Variants in CHSY3 observed in about 807,000 individuals in gnomAD.
CHSY3 encodes the protein N-acetylgalactosaminyl-proteoglycan 3-beta-glucuronosyltransferase 3.
CHSY3 carries 35 observed loss-of-function variants against 67.2 expected under a neutral mutation model. The observed-to-expected ratio is 0.52, with a 90% CI of 0.40 to 0.69. CHSY3 has a LOEUF of 0.69. Ranked by LOEUF, CHSY3 falls within the 30% of genes least tolerant of loss-of-function variation. CHSY3 has a pLI of 0.00. For missense variants in CHSY3, 1,069 were observed against 1,138.5 expected, an observed-to-expected ratio of 0.94 and a Z score of 0.88; for synonymous variants, 474 against 434.7, an observed-to-expected ratio of 1.09 and a Z score of -1.12.
chr5:130,150,135 T>C (rs769222373), intron 2 of CHSY3, among the ~76,000 whole-genome samples: 8 of 152,136 alleles, frequency 5.3e-5, no homozygotes, highest in Non-Finnish European at 7.4e-5. Flanking sequence ...AATGAAAAAT[T>C]ATTAGAAAGT....
intron 2 of CHSY3, among the ~76,000 whole-genome samples, chr5:130,081,149 T>C (rs920634531): frequency 1.3e-5 from 2 of 152,154 alleles, no homozygotes; most frequent in Non-Finnish European, 2.9e-5. Context: ...ATTTCGGTCT[T>C]TCTTCCTGTG....
At chr5:130,059,933 T>A (rs1458842690) in intron 2 of CHSY3, among the ~76,000 whole-genome samples, 2 of 152,092 alleles carry the variant, frequency 1.3e-5, no homozygotes, top group Admixed American at 6.5e-5. Flanking sequence ...AAAGCTATAT[T>A]TATTAATAAC....
intron 2 of CHSY3, among the ~76,000 whole-genome samples, chr5:129,981,235 G>A (rs555520876): frequency 6.9e-6 from 1 of 144,746 alleles, no homozygotes; most frequent in African/African-American, 2.5e-5. Context: ...AAAAAAAAAA[G>A]ATCAATCGAC....
chr5:130,080,561 G>A (rs1766414163), intron 2 of CHSY3, among the ~76,000 whole-genome samples: 1 of 152,084 alleles, frequency 6.6e-6, no homozygotes, highest in African/African-American at 2.4e-5. Context: ...ATTGTTTAAT[G>A]TAACTCTTGG....
intron 2 of CHSY3, among the ~76,000 whole-genome samples, chr5:129,931,141 T>C (rs943129647): frequency 2.0e-5 from 3 of 152,172 alleles, no homozygotes; most frequent in Admixed American, 6.5e-5. Context: ...TTAAAACATG[T>C]ATATTTGTGA....
At chr5:130,156,294 G>A (rs1769373754) in intron 2 of CHSY3, among the ~76,000 whole-genome samples, 1 of 152,134 alleles carries the variant, frequency 6.6e-6, no homozygotes, top group African/African-American at 2.4e-5. Flanking sequence ...GCAGGTGTCA[G>A]GCTGTTTATT....
chr5:130,120,587 T>A (rs1561545659), intron 2 of CHSY3, among the ~76,000 whole-genome samples: 3 of 149,484 alleles, frequency 2.0e-5, no homozygotes, highest in Admixed American at 6.7e-5. Flanking sequence ...TGTGACTGCA[T>A]CCCCCAACTA....
chr5:129,960,240 A>T (rs376251116), intron 2 of CHSY3, among the ~76,000 whole-genome samples: 1 of 152,076 alleles, frequency 6.6e-6, no homozygotes. Flanking sequence ...TGAAGCAGAC[A>T]TTCACTTAAT....
intron 2 of CHSY3, among the ~76,000 whole-genome samples, chr5:130,161,250 A>G (rs1399646540): frequency 6.6e-6 from 1 of 152,116 alleles, no homozygotes; most frequent in Admixed American, 6.6e-5. Context: ...TAATCCTTTG[A>G]CCACTTATTA....
At chr5:129,924,365 C>T (rs955116291) in intron 2 of CHSY3, among the ~76,000 whole-genome samples, 2 of 151,996 alleles carry the variant, frequency 1.3e-5, no homozygotes, top group Admixed American at 6.6e-5. Context: ...TTAGAATTAA[C>T]GGCCGAGCGC....
intron 2 of CHSY3, among the ~76,000 whole-genome samples, chr5:129,992,806 G>C (rs1763407376): frequency 6.6e-6 from 1 of 152,164 alleles, no homozygotes; most frequent in Non-Finnish European, 1.5e-5. Flanking sequence ...ATAGTAACAT[G>C]CTGGTCTGTT....
At chr5:130,159,087 A>G (rs1345187990) in intron 2 of CHSY3, among the ~76,000 whole-genome samples, 1 of 151,736 alleles carries the variant, frequency 6.6e-6, no homozygotes, top group African/African-American at 2.4e-5. Context: ...GGCGTGAACC[A>G]TGGCACCAAG....
chr5:130,084,876 A>G (rs928422374), intron 2 of CHSY3, among the ~76,000 whole-genome samples: 1 of 151,994 alleles, frequency 6.6e-6, no homozygotes, highest in Non-Finnish European at 1.5e-5. Flanking sequence ...AAGAAATTGT[A>G]GAGACTAAGG....
intron 2 of CHSY3, among the ~76,000 whole-genome samples, chr5:130,145,708 T>C (rs1769053243): frequency 6.6e-6 from 1 of 151,940 alleles, no homozygotes; most frequent in Non-Finnish European, 1.5e-5. Context: ...CATCTGACAG[T>C]GGGTTAATAT....
At chr5:130,096,477 T>A (rs948186047) in intron 2 of CHSY3, among the ~76,000 whole-genome samples, 1 of 152,210 alleles carries the variant, frequency 6.6e-6, no homozygotes. Context: ...CTTTGGTTAG[T>A]AGTATTGTAT....
At chr5:130,167,551 A>C (rs1312724706) in intron 2 of CHSY3, among the ~76,000 whole-genome samples, 2 of 152,168 alleles carry the variant, frequency 1.3e-5, no homozygotes, top group Non-Finnish European at 2.9e-5. Flanking sequence ...AAGTTATTTC[A>C]AGCTGAGGGA....
chr5:130,095,315 A>C (rs1767008865), intron 2 of CHSY3, among the ~76,000 whole-genome samples: 1 of 152,128 alleles, frequency 6.6e-6, no homozygotes, highest in Non-Finnish European at 1.5e-5. Context: ...GTCCTTGGAG[A>C]ACTGTTTGAT....
rs1242582695 is a variant in CHSY3, at chr5:129,908,021, A to G, written c.803-56A>G. On this transcript the variant is annotated intron_variant, in intron 1 of 2. Transcript: ENST00000305031. ...GAAAGTTCTGTCCCTTACCTTGTAC[A>G]TGATAAGTGATTATGAAATAAGGAG... The G allele has an allele frequency of 3.8e-6, 6 of 1,570,436 alleles. No homozygotes were observed. In the East Asian group the frequency reaches 6.7e-5, roughly 18 times the overall value.
intron 2 of CHSY3, among the ~76,000 whole-genome samples, chr5:130,077,118 G>GA (rs541165459): frequency 6.8e-6 from 1 of 147,680 alleles, no homozygotes; most frequent in Non-Finnish European, 1.5e-5. Flanking sequence ...TAAAATTTAA[G>GA]AAAAAAAATT....
Sources: allele counts gnomAD v4.1 joint callset (sites outside exome capture counted in the v4.1 genomes callset), GRCh38; gene constraint gnomAD v4.1.1; transcripts MANE v1.5; gene names NCBI Gene and HGNC (gene_info 2026-07-23, HGNC 2026-07-21).